The following NLGN1 variants were observed in gnomAD, a reference collection of about 807,000 sequenced individuals.
The protein encoded by NLGN1 is neuroligin-1.
NLGN1 carries 12 observed loss-of-function variants against 65.5 expected under a neutral mutation model. The ratio of observed to expected loss-of-function variants is 0.18; its 90% CI spans 0.12 to 0.30. NLGN1 has a LOEUF of 0.30. NLGN1 is among the 10% of genes least tolerant of loss of function. The pLI is 1.00. For missense variants in NLGN1, 750 were observed against 1,007.1 expected, an observed-to-expected ratio of 0.74 and a Z score of 3.46; for synonymous variants, 350 against 359.5, an observed-to-expected ratio of 0.97 and a Z score of 0.30.
chr3:173,446,639 A>T (rs1178480245), intron 2 of NLGN1, among the ~76,000 whole-genome samples: 2 of 152,174 alleles, frequency 1.3e-5, no homozygotes, highest in African/African-American at 2.4e-5. Flanking sequence ...AGGAATTGGC[A>T]CACCAACTTC....
intron 4 of NLGN1, among the ~76,000 whole-genome samples, chr3:173,953,159 A>G (rs978798741): frequency 2.0e-5 from 3 of 152,208 alleles, no homozygotes; most frequent in Admixed American, 2.0e-4. Flanking sequence ...AGAATTATCT[A>G]TTTAAAAATT....
intron 3 of NLGN1, among the ~76,000 whole-genome samples, chr3:173,805,742 A>C (rs1716499977): frequency 6.6e-6 from 1 of 152,220 alleles, no homozygotes; most frequent in South Asian, 2.1e-4. Flanking sequence ...TGCTGTGAAC[A>C]GTCAGTTAAT....
chr3:173,598,303 C>T (rs1749850494), intron 2 of NLGN1, among the ~76,000 whole-genome samples: 1 of 152,162 alleles, frequency 6.6e-6, no homozygotes, highest in South Asian at 2.1e-4. Context: ...GTGCTATATG[C>T]ATCAATAGCC....
Position 174,281,099 on chromosome 3 carries a change from C to T in NLGN1, c.2268C>T (p.Thr756=), listed in dbSNP as rs571981164. The T allele has an allele frequency of 4.8e-5, 77 of 1,613,228 alleles. No individual in the cohort carries two copies. The East Asian group carries it at 5.1e-4, about 11-fold the overall frequency. ...ATCCACATGAGGTGGTTCTTCGGACCGCCTGTCCCCCAGATTACACACTAG... is the reference window on the plus strand; with the variant it reads ...ATCCACATGAGGTGGTTCTTCGGACTGCCTGTCCCCCAGATTACACACTAG... Residue 756 remains threonine (T), a synonymous_variant, in exon 7 of 7, where the codon ACC becomes ACT. Transcript: ENST00000457714.
At chr3:173,810,213 A>G (rs553797908) in intron 4 of NLGN1, among the ~76,000 whole-genome samples, 12 of 152,224 alleles carry the variant, frequency 7.9e-5, no homozygotes, top group Non-Finnish European at 1.6e-4. Context: ...GTTTCAGCAT[A>G]CTTTGCATGA....
intron 3 of NLGN1, among the ~76,000 whole-genome samples, chr3:173,687,005 G>T (rs965109102): frequency 6.6e-6 from 1 of 152,152 alleles, no homozygotes; most frequent in Admixed American, 6.5e-5. Flanking sequence ...TCTGAATTGT[G>T]TGTGGTATGG....
chr3:173,747,243 AAG>A (rs1267609385), intron 3 of NLGN1, among the ~76,000 whole-genome samples: 1 of 146,174 alleles, frequency 6.8e-6, no homozygotes, highest in East Asian at 2.0e-4. Flanking sequence ...ATATATCTTT[AAG>A]TATATATATT....
At chr3:174,258,496 C>T (rs12636180) in intron 4 of NLGN1, among the ~76,000 whole-genome samples, 33,980 of 151,950 alleles carry the variant, frequency 0.22, 4,067 homozygotes, top group East Asian at 0.52. Context: ...TTTATACTTA[C>T]CCCATGCAAA....
intron 3 of NLGN1, among the ~76,000 whole-genome samples, chr3:173,712,715 A>G (rs968338685): frequency 6.6e-6 from 1 of 152,180 alleles, no homozygotes; most frequent in Non-Finnish European, 1.5e-5. Context: ...GAAAACCAAC[A>G]ATTCTACAAA....
intron 2 of NLGN1, among the ~76,000 whole-genome samples, chr3:173,572,352 G>T (rs1258956586): frequency 6.6e-6 from 1 of 152,222 alleles, no homozygotes; most frequent in African/African-American, 2.4e-5. Context: ...GCAGATAAAT[G>T]ATTTGTTCAG....
At chr3:173,438,448 C>T (rs1718551610) in intron 2 of NLGN1, among the ~76,000 whole-genome samples, 1 of 152,118 alleles carries the variant, frequency 6.6e-6, no homozygotes. Context: ...GACATGCCAA[C>T]TTGATCCAGA....
chr3:173,807,543 AAC>A, intron 3 of NLGN1, 135 bp from the exon 4 acceptor site: 2 of 905,220 alleles, frequency 2.2e-6, no homozygotes, highest in South Asian at 3.9e-5. Context: ...TTGCTTAAGA[AAC>A]ACTTTAATAA....
At chr3:174,029,483 G>A (rs1729500719) in intron 4 of NLGN1, among the ~76,000 whole-genome samples, 1 of 152,212 alleles carries the variant, frequency 6.6e-6, no homozygotes, top group Non-Finnish European at 1.5e-5. Context: ...CATCTAGGAA[G>A]TAACTAACTT....
intron 3 of NLGN1, among the ~76,000 whole-genome samples, chr3:173,684,357 C>G (rs1764391104): frequency 6.6e-6 from 1 of 152,038 alleles, no homozygotes; most frequent in African/African-American, 2.4e-5. Flanking sequence ...CTTTGAGCTC[C>G]ATAAATAGAT....
chr3:173,824,113 A>T (rs1720871483), intron 4 of NLGN1, among the ~76,000 whole-genome samples: 1 of 152,102 alleles, frequency 6.6e-6, no homozygotes, highest in African/African-American at 2.4e-5. Flanking sequence ...TAACACATTT[A>T]AGGAGCAGTT....
intron 4 of NLGN1, among the ~76,000 whole-genome samples, chr3:174,235,306 C>G (rs1297602507): frequency 1.3e-5 from 2 of 152,122 alleles, no homozygotes. Context: ...CTTACCATCT[C>G]TCTTCTCCTG....
At chr3:173,500,742 T>C (rs1003026170) in intron 2 of NLGN1, among the ~76,000 whole-genome samples, 2 of 151,872 alleles carry the variant, frequency 1.3e-5, no homozygotes, top group Admixed American at 6.6e-5. Flanking sequence ...CTGTTATTGG[T>C]CTATTAAATA....
At chr3:173,539,886 G>C (rs1263892301) in intron 2 of NLGN1, among the ~76,000 whole-genome samples, 1 of 139,298 alleles carries the variant, frequency 7.2e-6, no homozygotes, top group Non-Finnish European at 1.5e-5. Context: ...TTATATATAT[G>C]TTATATATAT....
chr3:174,174,714 G>A (rs1729132792), intron 4 of NLGN1, among the ~76,000 whole-genome samples: 1 of 151,636 alleles, frequency 6.6e-6, no homozygotes, highest in Non-Finnish European at 1.5e-5. Context: ...TGTAGATTCT[G>A]GGTATTAGTC....
Sources: gnomAD v4.1 joint callset for allele counts (sites outside exome capture counted in the v4.1 genomes callset) on GRCh38, gnomAD v4.1.1 for gene constraint, MANE v1.5 for transcripts, NCBI Gene and HGNC (gene_info 2026-07-23, HGNC 2026-07-21) for gene names.